The following CNTN3 variants were observed in gnomAD, a reference collection of about 807,000 sequenced individuals.
CNTN3 encodes contactin 3.
In CNTN3, 60 loss-of-function variants were observed where a neutral mutation model predicts 119.1. The ratio of observed to expected loss-of-function variants is 0.50; its 90% CI spans 0.41 to 0.62. CNTN3 has a LOEUF of 0.62. CNTN3 is among the 20% of genes least tolerant of loss of function. The probability of loss-of-function intolerance (pLI) is 0.00; values close to 1 mark genes in which losing one functional copy is unlikely to be tolerated. For missense variants in CNTN3, 1,101 were observed against 1,242.4 expected (o/e 0.89, Z 1.71); for synonymous variants, 450 against 438.7 (o/e 1.03, Z -0.32).
chr3:74,277,965 C>A (rs1701914996), intron 20 of CNTN3, among the ~76,000 whole-genome samples: 1 of 151,788 alleles, frequency 6.6e-6, no homozygotes, highest in Admixed American at 6.6e-5. Context: ...CTTCTACACA[C>A]CAACAGTGAC....
chr3:74,273,977 T>G (rs758174562), intron 20 of CNTN3, among the ~76,000 whole-genome samples: 2 of 152,060 alleles, frequency 1.3e-5, no homozygotes, highest in Non-Finnish European at 2.9e-5. Flanking sequence ...GGGGGCACAG[T>G]GGGAGTGAGA....
At chr3:74,553,174 G>C (rs187798826) in intron 1 of CNTN3, among the ~76,000 whole-genome samples, 135 of 151,150 alleles carry the variant, frequency 8.9e-4, no homozygotes, top group Non-Finnish European at 1.7e-3. Context: ...TTATGAGTGA[G>C]AGCATGCAGT....
chr3:74,316,238 C>T (rs987549470), intron 13 of CNTN3, among the ~76,000 whole-genome samples: 2 of 152,118 alleles, frequency 1.3e-5, no homozygotes, highest in African/African-American at 2.4e-5. Flanking sequence ...TGAAAAAATG[C>T]TCATCATCAC....
chr3:74,608,407 T>G (rs1705027827), intron 1 of CNTN3, among the ~76,000 whole-genome samples: 1 of 152,214 alleles, frequency 6.6e-6, no homozygotes, highest in Non-Finnish European at 1.5e-5. Context: ...ATTTAGTTAT[T>G]TCTTTCATAC....
At chr3:74,352,146 C>A (rs943521852) in intron 11 of CNTN3, among the ~76,000 whole-genome samples, 1 of 152,202 alleles carries the variant, frequency 6.6e-6, no homozygotes, top group Non-Finnish European at 1.5e-5. Context: ...GTGAACTTTG[C>A]CACTGACACA....
chr3:74,484,161 G>A (rs1038894990), intron 4 of CNTN3, among the ~76,000 whole-genome samples: 4 of 152,030 alleles, frequency 2.6e-5, no homozygotes, highest in Non-Finnish European at 5.9e-5. Context: ...CTCTTCACAG[G>A]GCAAAGACTG....
intron 3 of CNTN3, among the ~76,000 whole-genome samples, chr3:74,499,209 A>C (rs150554320): frequency 0.011 from 1,736 of 152,008 alleles, 16 homozygotes; most frequent in Non-Finnish European, 0.016. Flanking sequence ...CATTAAAATG[A>C]CTTTGGTAAG....
chr3:74,458,288 C>G (rs935235275), intron 4 of CNTN3, among the ~76,000 whole-genome samples: 1 of 151,888 alleles, frequency 6.6e-6, no homozygotes, highest in African/African-American at 2.4e-5. Context: ...TTACAATATA[C>G]CTGGGGCTAA....
intron 11 of CNTN3, among the ~76,000 whole-genome samples, chr3:74,347,142 A>G (rs1307718440): frequency 6.6e-6 from 1 of 152,198 alleles, no homozygotes; most frequent in Non-Finnish European, 1.5e-5. Flanking sequence ...CATGCACAAC[A>G]AACATAAAAT....
chr3:74,473,281 C>T (rs572581409), intron 4 of CNTN3, among the ~76,000 whole-genome samples: 3 of 151,852 alleles, frequency 2.0e-5, no homozygotes, highest in Admixed American at 6.6e-5. Context: ...TAGACTCCTT[C>T]GTAATCTAAT....
chr3:74,396,101 A>G (rs1705045153), intron 5 of CNTN3, among the ~76,000 whole-genome samples: 1 of 152,030 alleles, frequency 6.6e-6, no homozygotes, highest in Non-Finnish European at 1.5e-5. Context: ...GGGCCTCCCT[A>G]TTTGCCGAGA....
chr3:74,473,056 TATA>T (rs960188383), intron 4 of CNTN3, among the ~76,000 whole-genome samples: 1 of 151,378 alleles, frequency 6.6e-6, no homozygotes, highest in African/African-American at 2.4e-5. Context: ...TATTATAATC[TATA>T]ATAATTAAAA....
intron 20 of CNTN3, among the ~76,000 whole-genome samples, chr3:74,277,228 T>C (rs991591784): frequency 6.6e-6 from 1 of 151,888 alleles, no homozygotes; most frequent in Non-Finnish European, 1.5e-5. Flanking sequence ...TTTACACTAT[T>C]CAGCAAGATA....
chr3:74,588,530 C>T (rs1416553722), intron 1 of CNTN3, among the ~76,000 whole-genome samples: 1 of 152,084 alleles, frequency 6.6e-6, no homozygotes, highest in East Asian at 1.9e-4. Flanking sequence ...GCCATACTGC[C>T]CAAGGTAATT....
chr3:74,270,320 T>C (rs1321006711), intron 20 of CNTN3, among the ~76,000 whole-genome samples: 4 of 152,130 alleles, frequency 2.6e-5, no homozygotes, highest in Admixed American at 2.6e-4. Flanking sequence ...ATAAAAGTCA[T>C]TGAAGAGTAT....
At position 74,369,235 on chromosome 3, in the gene CNTN3, C is replaced by A; in HGVS notation, c.900G>T (p.Glu300Asp). 6.2e-7 allele frequency: 1 copy of A among 1,609,996 alleles called. No homozygotes were observed. The highest frequency in any genetic ancestry group is 8.5e-7 in the Non-Finnish European group (1 of 1,178,116). The change falls in exon 8 of 23, where the codon GAG becomes GAT. Residue 300 changes from glutamate to aspartate, a missense_variant. Glu to Asp is a conservative substitution (Grantham distance 45, BLOSUM62 2). Transcript: ENST00000263665. Reference sequence around the variant, plus strand: ...TGGCAACATTTTTTCCTCGTGAATTCTCAGCAATGCATTCATAGGAACCTG... The same window carrying A: ...TGGCAACATTTTTTCCTCGTGAATTATCAGCAATGCATTCATAGGAACCTG... ...EDAGSYECIAENSRGKNVARG... is the reference protein window; with the variant it reads ...EDAGSYECIADNSRGKNVARG...
intron 13 of CNTN3, among the ~76,000 whole-genome samples, chr3:74,303,471 T>A (rs1702499105): frequency 6.6e-6 from 1 of 151,284 alleles, no homozygotes; most frequent in Non-Finnish European, 1.5e-5. Flanking sequence ...GGTGGGTAGA[T>A]CATTTGAGGT....
intron 2 of CNTN3, among the ~76,000 whole-genome samples, chr3:74,511,539 T>C (rs1031626205): frequency 3.3e-5 from 5 of 151,948 alleles, no homozygotes; most frequent in Admixed American, 3.3e-4. Flanking sequence ...GGCGTGGTGG[T>C]GTGCCTGTAG....
chr3:74,441,179 T>C (rs941513196), intron 4 of CNTN3, among the ~76,000 whole-genome samples: 4 of 152,112 alleles, frequency 2.6e-5, no homozygotes, highest in African/African-American at 9.7e-5. Flanking sequence ...TTTAAAAACA[T>C]CTAACCCAGA....
Sources: gnomAD v4.1 joint callset for allele counts (sites outside exome capture counted in the v4.1 genomes callset) on GRCh38, gnomAD v4.1.1 for gene constraint, MANE v1.5 for transcripts, NCBI Gene and HGNC (gene_info 2026-07-23, HGNC 2026-07-21) for gene names.